Variants in PKNOX2 observed in about 807,000 individuals in gnomAD.
The protein encoded by PKNOX2 is homeobox protein PKNOX2.
PKNOX2 carries 14 observed loss-of-function variants against 53.1 expected under a neutral mutation model. That is an observed-to-expected ratio of 0.26 (90% CI 0.17 to 0.41). PKNOX2 has a LOEUF of 0.41. Ranked by LOEUF, PKNOX2 falls within the 10% of genes least tolerant of loss-of-function variation. The pLI is 1.00. For missense variants in PKNOX2, 496 were observed against 602.8 expected (o/e 0.82, Z 1.85); for synonymous variants, 257 against 242.8 (o/e 1.06, Z -0.54).
intron 2 of PKNOX2, among the ~76,000 whole-genome samples, chr11:125,249,795 C>T (rs1214155637): frequency 3.9e-5 from 6 of 152,010 alleles, no homozygotes; most frequent in Admixed American, 1.3e-4. Flanking sequence ...TTGGGCTGCA[C>T]GCGGTAGCTC....
chr11:125,430,430 C>T (rs1229762804), intron 12 of PKNOX2, among the ~76,000 whole-genome samples: 1 of 152,158 alleles, frequency 6.6e-6, no homozygotes, highest in Non-Finnish European at 1.5e-5. Context: ...TCCTTAGCAC[C>T]AGTAAGTATC....
chr11:125,235,585 C>T (rs1942609565), intron 2 of PKNOX2, among the ~76,000 whole-genome samples: 1 of 152,252 alleles, frequency 6.6e-6, no homozygotes, highest in African/African-American at 2.4e-5. Context: ...GACCGCTTCC[C>T]TTCCATCAGC....
intron 5 of PKNOX2, among the ~76,000 whole-genome samples, chr11:125,380,273 C>T (rs553031808): frequency 2.0e-5 from 3 of 152,324 alleles, no homozygotes; most frequent in Non-Finnish European, 4.4e-5. Flanking sequence ...CTCTCTTCTG[C>T]AGTAAAATGT....
intron 11 of PKNOX2, 120 bp downstream of exon 11, chr11:125,429,208 AC>A: frequency 1.1e-6 from 1 of 949,644 alleles, no homozygotes; most frequent in Non-Finnish European, 1.6e-6. Context: ...CAGCCCAGCT[AC>A]CATGCCAGTC....
chr11:125,206,164 C>T (rs934209052), intron 1 of PKNOX2, among the ~76,000 whole-genome samples: 9 of 151,976 alleles, frequency 5.9e-5, no homozygotes, highest in African/African-American at 1.7e-4. Flanking sequence ...TCCCCACCCT[C>T]GAGGAGCCTA....
At chr11:125,255,817 G>T (rs1321406783) in intron 2 of PKNOX2, among the ~76,000 whole-genome samples, 2 of 151,886 alleles carry the variant, frequency 1.3e-5, no homozygotes, top group Non-Finnish European at 1.5e-5. Flanking sequence ...ACACACCAGA[G>T]TCTCCCAAGT....
At chr11:125,178,577 G>GAAAGAAA (rs1565462257) in intron 1 of PKNOX2, among the ~76,000 whole-genome samples, 25 of 34,092 alleles carry the variant, frequency 7.3e-4, no homozygotes, top group African/African-American at 3.9e-3. Flanking sequence ...AAGGAAGGAA[G>GAAAGAAA]GAAGGAAGGA....
rs189750420 is a variant in PKNOX2 at position 125,213,827 on chromosome 11, G to A, written c.-200-21218G>A. 7.8e-4 allele frequency among the ~76,000 whole-genome samples: 119 copies of A among 152,156 alleles called. No individual in the cohort carries two copies. The Middle Eastern group carries it at 0.01, about 13-fold the overall frequency. ...CGGCAATTCTGGCCACATGTGATCC[G>A]GGAGGGGAGTGAGATGGTGCGCACA... On this transcript the variant is annotated intron_variant, in intron 1 of 12. Transcript: ENST00000298282.
intron 5 of PKNOX2, among the ~76,000 whole-genome samples, chr11:125,379,036 C>A (rs1283407349): frequency 6.7e-6 from 1 of 148,198 alleles, no homozygotes; most frequent in Non-Finnish European, 1.5e-5. Context: ...AAGGATCCAA[C>A]TACCTTTTTT....
At chr11:125,381,501 G>A (rs1953223952) in intron 5 of PKNOX2, among the ~76,000 whole-genome samples, 2 of 152,112 alleles carry the variant, frequency 1.3e-5, no homozygotes, top group African/African-American at 2.4e-5. Flanking sequence ...AGGAGCCACA[G>A]AAGACACCCC....
At chr11:125,414,774 T>C (rs989591418) in intron 10 of PKNOX2, among the ~76,000 whole-genome samples, 5 of 152,122 alleles carry the variant, frequency 3.3e-5, no homozygotes, top group Admixed American at 2.0e-4. Context: ...CTAATACTTA[T>C]TTCCCATGGT....
chr11:125,239,888 T>C (rs544482907), intron 2 of PKNOX2, among the ~76,000 whole-genome samples: 7 of 152,188 alleles, frequency 4.6e-5, no homozygotes, highest in Non-Finnish European at 1.0e-4. Flanking sequence ...CCAGCTTAAT[T>C]GGTGTGATTT....
intron 3 of PKNOX2, among the ~76,000 whole-genome samples, chr11:125,347,837 AC>A (rs1399478938): frequency 6.6e-6 from 1 of 152,102 alleles, no homozygotes; most frequent in Non-Finnish European, 1.5e-5. Flanking sequence ...TCAAAAAGCA[AC>A]CTTTCCCTGT....
chr11:125,349,373 C>T (rs1356189569), intron 3 of PKNOX2, among the ~76,000 whole-genome samples: 2 of 152,098 alleles, frequency 1.3e-5, no homozygotes, highest in African/African-American at 2.4e-5. Flanking sequence ...CCAAAGCCCC[C>T]TCCTGCGTCC....
chr11:125,402,276 C>T (rs539004534), intron 7 of PKNOX2, among the ~76,000 whole-genome samples: 9 of 152,224 alleles, frequency 5.9e-5, no homozygotes, highest in Non-Finnish European at 1.2e-4. Context: ...GACACCCAGG[C>T]TTCCTACTCC....
intron 1 of PKNOX2, among the ~76,000 whole-genome samples, chr11:125,223,769 TA>T (rs1393102184): frequency 1.3e-5 from 2 of 152,208 alleles, no homozygotes; most frequent in African/African-American, 2.4e-5. Context: ...ACGTTGGATC[TA>T]TGAAGCTATT....
At chr11:125,408,756 G>A (rs1041577830) in intron 7 of PKNOX2, among the ~76,000 whole-genome samples, 7 of 152,092 alleles carry the variant, frequency 4.6e-5, no homozygotes, top group African/African-American at 7.2e-5. Context: ...GCTGTCCCCC[G>A]GGCTGTAACA....
intron 2 of PKNOX2, among the ~76,000 whole-genome samples, chr11:125,265,972 T>C (rs534959775): frequency 6.6e-6 from 1 of 152,162 alleles, no homozygotes; most frequent in East Asian, 1.9e-4. Context: ...TGTGGTGTGG[T>C]GGAAAGCGTG....
At chr11:125,351,475 C>A in intron 4 of PKNOX2, 83 bp downstream of exon 4, 1 of 898,240 alleles carries the variant, frequency 1.1e-6, no homozygotes, top group Admixed American at 2.2e-5. Context: ...CTGGGACATT[C>A]CAGGGGCCGA....
Sources: gnomAD v4.1 joint callset for allele counts (sites outside exome capture counted in the v4.1 genomes callset) on GRCh38, gnomAD v4.1.1 for gene constraint, MANE v1.5 for transcripts, NCBI Gene and HGNC (gene_info 2026-07-23, HGNC 2026-07-21) for gene names.